TANC1: variants seen among roughly 807,000 people sequenced by gnomAD.
The protein encoded by TANC1 is protein TANC1.
Under a neutral mutation model 149.7 loss-of-function variants are expected in TANC1, and 77 were observed. The ratio of observed to expected loss-of-function variants is 0.51; its 90% CI spans 0.43 to 0.62. The LOEUF is 0.62. Among genes scored for constraint, TANC1 ranks in the 20% least tolerant of loss-of-function variants. TANC1 has a pLI of 0.00. For synonymous variants in TANC1, 854 were observed against 925.0 expected (o/e 0.92, Z 1.39); for missense variants, 1,985 against 2,321.8 (o/e 0.85, Z 2.98).
rs375893687 is a variant in TANC1, at chr2:159,187,006, C to G, written c.2724C>G (p.Leu908=). 174 of 1,614,082 alleles carry G rather than the reference C, an allele frequency of 1.1e-4. No homozygotes were observed. In the African/African-American group the frequency reaches 1.9e-3, roughly 17 times the overall value. The change falls in exon 16 of 27, where the codon CTC becomes CTG. Residue 908 remains leucine (L), a synonymous_variant. Transcript: ENST00000263635. ...CCGCCCTGGCCTCTCTCAGGAATCT[C>G]TATACTCCCAACGTGAAGGTGAGCA... The part of the protein sequence containing the change: ...LSAALASLRN[L]YTPNVKVSRL...
intron 19 of TANC1, among the ~76,000 whole-genome samples, chr2:159,207,718 A>C (rs1037562424): frequency 1.3e-5 from 2 of 149,442 alleles, no homozygotes; most frequent in Non-Finnish European, 3.0e-5. Context: ...AAAAAAAAAA[A>C]AAAAAAAAAC....
At chr2:159,142,575 T>G (rs1235101877) in intron 5 of TANC1, among the ~76,000 whole-genome samples, 1 of 152,212 alleles carries the variant, frequency 6.6e-6, no homozygotes, top group Non-Finnish European at 1.5e-5. Context: ...AAAGCCCTTC[T>G]GCATGCTCGG....
At chr2:159,061,723 G>A (rs2042246369) in intron 2 of TANC1, among the ~76,000 whole-genome samples, 1 of 152,060 alleles carries the variant, frequency 6.6e-6, no homozygotes, top group South Asian at 2.1e-4. Context: ...TGCCATGGGT[G>A]AGGAAAAGAT....
intron 3 of TANC1, among the ~76,000 whole-genome samples, chr2:159,093,777 C>G (rs149790445): frequency 6.6e-6 from 1 of 151,520 alleles, no homozygotes; most frequent in Non-Finnish European, 1.5e-5. Flanking sequence ...TTTATTGCAG[C>G]CTGCATAAAA....
intron 4 of TANC1, among the ~76,000 whole-genome samples, chr2:159,100,011 A>G (rs1268382167): frequency 6.6e-6 from 1 of 152,158 alleles, no homozygotes; most frequent in African/African-American, 2.4e-5. Context: ...CCTCTGTCTG[A>G]TGCTTGAGGA....
chr2:159,157,606 T>C (rs1215549769), intron 7 of TANC1, among the ~76,000 whole-genome samples: 2 of 152,180 alleles, frequency 1.3e-5, no homozygotes, highest in African/African-American at 4.8e-5. Context: ...TGAAACCTAA[T>C]TTGGAAAGTT....
chr2:159,230,660 A>G lies in TANC1; in HGVS notation c.5234A>G (p.His1745Arg). 1 of 1,614,232 alleles carries G rather than the reference A, an allele frequency of 6.2e-7. No individual in the cohort carries two copies. Among genetic ancestry groups the G allele is most frequent in the Non-Finnish European group, 8.5e-7 (1 of 1,180,044 alleles). ...QQSNPPSRSWHCPAPEGLLTN... is the reference protein window; with the variant it reads ...QQSNPPSRSWRCPAPEGLLTN... ...AGCAATCCTCCAAGCCGCAGCTGGC[A>G]CTGTCCGGCACCAGAGGGGCTGCTG... Residue 1745 changes from histidine (H) to arginine (R), a missense_variant, in exon 27 of 27, where the codon CAC becomes CGC. Transcript: ENST00000263635. The surrounding 1 kb of genome is among the most constrained non-coding windows in gnomAD (Gnocchi z 4.4).
chr2:159,048,443 G>A (rs11674716), intron 2 of TANC1, among the ~76,000 whole-genome samples: 3,397 of 152,246 alleles, frequency 0.022, 58 homozygotes, highest in Non-Finnish European at 0.032. Flanking sequence ...CATGCTGCTC[G>A]CCCTCAGAGG....
chr2:159,100,510 A>T (rs2046572994), intron 4 of TANC1, among the ~76,000 whole-genome samples: 1 of 152,242 alleles, frequency 6.6e-6, no homozygotes, highest in East Asian at 1.9e-4. Context: ...GCCTTAGAAT[A>T]GAAGGTTAAT....
chr2:159,141,887 C>T (rs1559336718), intron 5 of TANC1, among the ~76,000 whole-genome samples: 2 of 152,110 alleles, frequency 1.3e-5, no homozygotes, highest in African/African-American at 4.8e-5. Context: ...GTGTCTCTTA[C>T]AACAATTGCC....
intron 19 of TANC1, among the ~76,000 whole-genome samples, chr2:159,201,736 G>A (rs1030606530): frequency 6.6e-6 from 1 of 152,180 alleles, no homozygotes; most frequent in Non-Finnish European, 1.5e-5. Flanking sequence ...AGCTTTGTGT[G>A]GATAACAGTT....
At chr2:159,139,207 AAAAG>A (rs141918120) in intron 5 of TANC1, among the ~76,000 whole-genome samples, 1,655 of 152,310 alleles carry the variant, frequency 0.011, 30 homozygotes, top group African/African-American at 0.037. Flanking sequence ...GTCTCTTTAA[AAAAG>A]AAAGGAAGGA....
chr2:159,186,067 C>G (rs895008796), intron 15 of TANC1, among the ~76,000 whole-genome samples, 168 bp downstream of exon 15: 10 of 152,222 alleles, frequency 6.6e-5, no homozygotes, highest in African/African-American at 2.4e-4. Flanking sequence ...TGTTCTGACT[C>G]AGCCTGGGCA....
At chr2:159,214,449 C>T (rs952373176) in intron 19 of TANC1, among the ~76,000 whole-genome samples, 1 of 152,178 alleles carries the variant, frequency 6.6e-6, no homozygotes, top group African/African-American at 2.4e-5. Context: ...AGTCTCTCAC[C>T]TGCTGAGAAC....
At chr2:159,208,127 T>G (rs189286323) in intron 19 of TANC1, among the ~76,000 whole-genome samples, 1 of 152,314 alleles carries the variant, frequency 6.6e-6, no homozygotes, top group Non-Finnish European at 1.5e-5. Flanking sequence ...CTTAACAAGA[T>G]TAAATGAGAA....
At chr2:158,990,182 C>G (rs373100274) in intron 1 of TANC1, among the ~76,000 whole-genome samples, 1 of 152,116 alleles carries the variant, frequency 6.6e-6, no homozygotes, top group Non-Finnish European at 1.5e-5. Context: ...GTGATCTGCC[C>G]GCCTCAGCCT....
chr2:159,039,032 G>C (rs541898966), intron 2 of TANC1, among the ~76,000 whole-genome samples: 47 of 152,306 alleles, frequency 3.1e-4, no homozygotes, highest in African/African-American at 1.1e-3. Context: ...TTCATAGTCT[G>C]TTATTGGTCT....
At chr2:159,029,617 G>A (rs993725772) in intron 2 of TANC1, among the ~76,000 whole-genome samples, 1 of 152,166 alleles carries the variant, frequency 6.6e-6, no homozygotes, top group Non-Finnish European at 1.5e-5. Flanking sequence ...AGGCTGGAGT[G>A]CAGTGGCACA....
chr2:159,122,756 CTTT>C (rs769351016), intron 4 of TANC1, among the ~76,000 whole-genome samples: 2,385 of 120,790 alleles, frequency 0.02, 38 homozygotes, highest in Non-Finnish European at 0.031. Flanking sequence ...AATTCTTTTT[CTTT>C]TTTCTTCTTT....
Sources: gnomAD v4.1 joint callset for allele counts (sites outside exome capture counted in the v4.1 genomes callset) on GRCh38, gnomAD v4.1.1 for gene constraint, Gnocchi (gnomAD v3.1) non-coding constraint, MANE v1.5 for transcripts, NCBI Gene and HGNC (gene_info 2026-07-23, HGNC 2026-07-21) for gene names.